The following KCTD21 variants were observed in gnomAD, a reference collection of about 807,000 sequenced individuals.
KCTD21 encodes the protein BTB/POZ domain-containing protein KCTD21.
A neutral mutation model predicts 13.2 loss-of-function variants in KCTD21; 9 were observed. That is an observed-to-expected ratio of 0.68 (90% CI 0.41 to 1.19). The LOEUF is 1.19. Among genes scored for constraint, KCTD21 ranks in the 50% most tolerant of loss-of-function variants. The pLI, the probability that KCTD21 is intolerant of heterozygous loss-of-function variation, is 0.01. For synonymous variants in KCTD21, 142 were observed against 137.4 expected (o/e 1.03, Z -0.23); for missense variants, 303 against 336.5 (o/e 0.90, Z 0.78).
chr11:78,173,586 G>A lies in KCTD21; in HGVS notation c.*186C>T. 1.7e-6 allele frequency: 1 copy of A among 602,492 alleles called. No homozygotes were observed. Among genetic ancestry groups the A allele is most frequent in the Non-Finnish European group, 2.9e-6 (1 of 342,972 alleles). 37.3% of individuals were successfully genotyped at this position (602,492 alleles called of 1,614,324 possible). On this transcript the variant is annotated 3_prime_UTR_variant, in exon 2 of 2. Transcript: ENST00000340067. ...GCAGCTCAAAATGGCAAGAAAAAAG[G>A]TGGTTCTGTTCAGAGGACACTGGAT...
At chr11:78,186,247 G>A (rs1862759368) in intron 1 of KCTD21, among the ~76,000 whole-genome samples, 4 of 151,024 alleles carry the variant, frequency 2.6e-5, no homozygotes, top group East Asian at 2.0e-4. Flanking sequence ...ATGGTAACAC[G>A]TGCTTGCAGT....
intron 1 of KCTD21, chr11:78,186,566 A>T (rs1483696528): frequency 2.6e-6 from 1 of 380,994 alleles, no homozygotes; most frequent in Non-Finnish European, 3.5e-6. Context: ...AACAAACACT[A>T]CAACGGCAAT....
intron 1 of KCTD21, chr11:78,186,625 A>C: frequency 1.2e-6 from 1 of 853,756 alleles, no homozygotes; most frequent in Non-Finnish European, 1.4e-6. Flanking sequence ...TAGGCACTCT[A>C]TACATGTTAA....
chr11:78,179,179 T>A (rs1862543596), intron 1 of KCTD21, among the ~76,000 whole-genome samples: 1 of 151,884 alleles, frequency 6.6e-6, no homozygotes, highest in South Asian at 2.1e-4. Context: ...CTGCATTTCA[T>A]TCCCCTGCTA....
chr11:78,186,917 C>T lies in KCTD21; in HGVS notation c.-30+1656G>A, dbSNP rs150780968. On this transcript the variant is annotated intron_variant, in intron 1 of 1. Transcript: ENST00000340067. ...GGGCTGGGGGTGCCCCTTTCTATAT[C>T]CACAGAAGCACGTAGAATAGGGGAA... 8.0e-3 allele frequency: 7,859 copies of T among 985,460 alleles called. 37 individuals carry two copies. The highest frequency in any genetic ancestry group is 8.8e-3 in the Non-Finnish European group (7,305 of 829,934). 61.0% of individuals were successfully genotyped at this position (985,460 alleles called of 1,614,324 possible).
chr11:78,174,155 A>G lies in KCTD21; in HGVS notation c.400T>C (p.Tyr134His). The stretch of plus-strand genomic sequence containing the variant: ...TCCATGCTGGAAGAGGAGAGGCTGT[A>G]GATCTGGGGTGCCTCGCGCACAGTG... ...HFTVREAPQI[Y>H]SLSSSSMEVF... Residue 134 changes from tyrosine to histidine, a missense_variant, in exon 2 of 2, where the codon TAC (tyrosine) becomes CAC (histidine). Transcript: ENST00000340067. 6.2e-7 allele frequency: 1 copy of G among 1,614,140 alleles called. No homozygotes were observed.
chr11:78,174,808 G>A, intron 1 of KCTD21: 1 of 426,166 alleles, frequency 2.3e-6, no homozygotes, highest in Admixed American at 4.0e-5. Flanking sequence ...GGGAAAGAAA[G>A]GGAAGGACCC....
At chr11:78,187,352 G>A in intron 1 of KCTD21, 5 of 985,394 alleles carry the variant, frequency 5.1e-6, no homozygotes, top group Non-Finnish European at 6.0e-6. Context: ...TCCGAAGGCT[G>A]CTCTATTACC....
At chr11:78,188,462 G>C (rs1862884377) in intron 1 of KCTD21, 111 bp downstream of exon 1, 1 of 985,404 alleles carries the variant, frequency 1.0e-6, no homozygotes, top group Non-Finnish European at 1.2e-6. Flanking sequence ...TCACAGATGG[G>C]AATGGCGAGG....
chr11:78,185,894 G>T (rs192176005), intron 1 of KCTD21, among the ~76,000 whole-genome samples: 77 of 151,998 alleles, frequency 5.1e-4, no homozygotes, highest in South Asian at 4.6e-3. Context: ...GCCCGGCCAG[G>T]TCTGCCTATC....
At position 78,173,633 on chromosome 11, in the gene KCTD21, T is replaced by C. The variant is rs1862349021; in HGVS notation, c.*139A>G. 2 of 744,658 alleles carry C rather than the reference T, an allele frequency of 2.7e-6. No homozygotes were observed. The highest frequency in any genetic ancestry group is 3.5e-5 in the African/African-American group (2 of 57,224). The allele number at this position is 744,658 out of a possible 1,614,324, so 46.1% of individuals were successfully genotyped here. A position where few individuals can be genotyped will look rare whatever the true frequency, so the allele number is the denominator to read the frequency against. On this transcript the variant is annotated 3_prime_UTR_variant, in exon 2 of 2. Transcript: ENST00000340067. Reference sequence around the variant, plus strand: ...GGATTCCAAAAGGTGGACTTCATCATGGGGGGAATCAAGTCCTGCTACACA... The same window carrying C: ...GGATTCCAAAAGGTGGACTTCATCACGGGGGGAATCAAGTCCTGCTACACA...
intron 1 of KCTD21, among the ~76,000 whole-genome samples, chr11:78,179,510 T>C (rs1458510145): frequency 2.0e-5 from 3 of 152,084 alleles, no homozygotes; most frequent in Non-Finnish European, 4.4e-5. Context: ...TTGTCTTGAC[T>C]ATCTCCTTGA....
Position 78,173,764 on chromosome 11 carries a change from G to A in KCTD21, c.*8C>T, listed in dbSNP as rs754380540. 8 of 1,597,592 alleles carry A rather than the reference G, an allele frequency of 5.0e-6. No individual in the cohort carries two copies. Among genetic ancestry groups the A allele is most frequent in the South Asian group, 1.1e-5 (1 of 89,082 alleles). ...GGACTCCCCATCTCCAGTGTTGTTG[G>A]GGTCCTTTTACCTGTACCGTATTAA... is the stretch of plus-strand genomic sequence containing the variant. On this transcript the variant is annotated 3_prime_UTR_variant, in exon 2 of 2. Transcript: ENST00000340067.
chr11:78,182,308 C>CA (rs1862651855), intron 1 of KCTD21, among the ~76,000 whole-genome samples: 1 of 117,266 alleles, frequency 8.5e-6, no homozygotes, highest in Non-Finnish European at 1.8e-5. Flanking sequence ...CCCCCCCCCC[C>CA]TCAAAATTAA....
chr11:78,173,475 CTT>C lies in KCTD21; in HGVS notation c.*295_*296del, dbSNP rs1216525272. 42 of 307,006 alleles carry C rather than the reference CTT, an allele frequency of 1.4e-4. No individual in the cohort carries two copies. The highest frequency in any genetic ancestry group is 4.2e-4 in the South Asian group (8 of 19,254). The allele number at this position is 307,006 out of a possible 1,614,324, so 19.0% of individuals were successfully genotyped here. A position where few individuals can be genotyped will look rare whatever the true frequency, so the allele number is the denominator to read the frequency against. On this transcript the variant is annotated 3_prime_UTR_variant, in exon 2 of 2. Transcript: ENST00000340067. ...TGGAGCCCAGGAGAAAACTGCTGCT[CTT>C]TTGTCCTGGCTGGAAAATCCTCCTA... is the stretch of plus-strand genomic sequence containing the variant.
At chr11:78,174,742 T>C (rs1165303020) in intron 1 of KCTD21, 159 bp from the exon 2 acceptor site, 2 of 546,758 alleles carry the variant, frequency 3.7e-6, no homozygotes, top group Non-Finnish European at 6.5e-6. Flanking sequence ...CAAAGTACAT[T>C]AGCTTCACTA....
chr11:78,176,850 A>ACAACAACAACAACAT, intron 1 of KCTD21: 1 of 151,896 alleles, frequency 6.6e-6, no homozygotes, highest in Non-Finnish European at 1.5e-5. Context: ...AACAACAACA[A>ACAACAACAACAACAT]CAACAACAAC....
At position 78,173,749 on chromosome 11, in the gene KCTD21, T is replaced by A; in HGVS notation, c.*23A>T. The A allele has an allele frequency of 6.3e-7, 1 of 1,578,226 alleles. No individual in the cohort carries two copies. Among genetic ancestry groups the A allele is most frequent in the Admixed American group, 1.7e-5 (1 of 58,026 alleles). On this transcript the variant is annotated 3_prime_UTR_variant, in exon 2 of 2. Coordinates refer to ENST00000340067, the MANE Select transcript of KCTD21 (RefSeq NM_001029859.3). The stretch of plus-strand genomic sequence containing the variant: ...GACATGAGCTTCCTGGGACTCCCCA[T>A]CTCCAGTGTTGTTGGGGTCCTTTTA...
rs576756746 is a variant in KCTD21 at position 78,174,121 on chromosome 11, T to A, written c.434A>T (p.Asn145Ile). 1 of 1,614,104 alleles carries A rather than the reference T, an allele frequency of 6.2e-7. No individual in the cohort carries two copies. Among genetic ancestry groups the A allele is most frequent in the East Asian group, 2.2e-5 (1 of 44,882 alleles). Residue 145 changes from asparagine to isoleucine, a missense_variant, in exon 2 of 2, where the codon AAC becomes ATC. Asn to Ile is a moderately radical substitution (Grantham distance 149). Transcript: ENST00000340067. ...GCAGGAGGTGCTGAAGATGTTGGCG[T>A]TGAAGACCTCCATGCTGGAAGAGGA... ...SLSSSSMEVF[N>I]ANIFSTSCLF...
Sources: gnomAD v4.1 joint callset for allele counts (sites outside exome capture counted in the v4.1 genomes callset) on GRCh38, gnomAD v4.1.1 for gene constraint, MANE v1.5 for transcripts, NCBI Gene and HGNC (gene_info 2026-07-23, HGNC 2026-07-21) for gene names.